AKT3: variants seen among roughly 807,000 people sequenced by gnomAD.
The protein encoded by AKT3 is RAC-gamma serine/threonine-protein kinase.
A neutral mutation model predicts 65.3 loss-of-function variants in AKT3; 15 were observed. The observed-to-expected ratio is 0.23, with a 90% CI of 0.15 to 0.35. The LOEUF is 0.35. AKT3 is among the 10% of genes least tolerant of loss of function. The probability of loss-of-function intolerance (pLI) is 1.00; values close to 1 mark genes in which losing one functional copy is unlikely to be tolerated. For synonymous variants in AKT3, 206 were observed against 183.8 expected, an observed-to-expected ratio of 1.12 and a Z score of -0.98; for missense variants, 243 against 576.5, an observed-to-expected ratio of 0.42 and a Z score of 5.92.
chr1:243,651,206 G>T (rs1055867688), intron 4 of AKT3, among the ~76,000 whole-genome samples: 5 of 151,964 alleles, frequency 3.3e-5, no homozygotes, highest in African/African-American at 1.2e-4. Flanking sequence ...TTTATTATTG[G>T]TGTATAGGAA....
At chr1:243,725,757 A>G (rs1259546938) in intron 2 of AKT3, among the ~76,000 whole-genome samples, 2 of 152,194 alleles carry the variant, frequency 1.3e-5, no homozygotes, top group Admixed American at 6.5e-5. Context: ...AAATTAGTGA[A>G]AAGTGGTAAC....
chr1:243,788,451 C>T (rs773897943), intron 2 of AKT3, among the ~76,000 whole-genome samples: 3 of 152,046 alleles, frequency 2.0e-5, no homozygotes, highest in Non-Finnish European at 4.4e-5. Flanking sequence ...GGACTGATTC[C>T]GGGACCCACT....
intron 2 of AKT3, among the ~76,000 whole-genome samples, chr1:243,743,781 G>A (rs976030128): frequency 3.3e-5 from 5 of 152,138 alleles, no homozygotes; most frequent in Non-Finnish European, 7.3e-5. Flanking sequence ...CCAGCACTTT[G>A]GAAGGATTGC....
chr1:243,537,855 T>A (rs1282881426), intron 12 of AKT3, among the ~76,000 whole-genome samples: 1 of 151,918 alleles, frequency 6.6e-6, no homozygotes, highest in Non-Finnish European at 1.5e-5. Context: ...TGTTACTACT[T>A]TTTTTTCTCA....
chr1:243,764,883 T>C (rs769249380), intron 2 of AKT3, among the ~76,000 whole-genome samples: 4 of 152,118 alleles, frequency 2.6e-5, no homozygotes, highest in Non-Finnish European at 4.4e-5. Flanking sequence ...ATTTCAAAAT[T>C]CAAAGCTTTC....
intron 2 of AKT3, among the ~76,000 whole-genome samples, chr1:243,728,583 C>A (rs142122718): frequency 5.7e-4 from 87 of 152,262 alleles, no homozygotes; most frequent in African/African-American, 2.0e-3. Flanking sequence ...TTTATGGGAA[C>A]AGATAGGACA....
chr1:243,819,756 C>T (rs1206877828), intron 2 of AKT3, among the ~76,000 whole-genome samples: 2 of 152,174 alleles, frequency 1.3e-5, no homozygotes, highest in African/African-American at 2.4e-5. Flanking sequence ...GGCATCAGGT[C>T]GGTGCCCCTC....
chr1:243,822,467 C>CAA (rs201535118), intron 2 of AKT3, among the ~76,000 whole-genome samples: 4,186 of 141,460 alleles, frequency 0.03, 219 homozygotes, highest in African/African-American at 0.11. Flanking sequence ...AAAAACCCTT[C>CAA]AAAAAAAAAA....
chr1:243,721,341 G>C (rs1385410655), intron 2 of AKT3, among the ~76,000 whole-genome samples: 1 of 152,026 alleles, frequency 6.6e-6, no homozygotes, highest in African/African-American at 2.4e-5. Context: ...GACAGGTCTT[G>C]GTGAGTTTTT....
intron 6 of AKT3, among the ~76,000 whole-genome samples, chr1:243,630,286 C>T (rs1049451758): frequency 3.3e-5 from 5 of 152,170 alleles, no homozygotes; most frequent in African/African-American, 1.2e-4. Context: ...TAAATATCAT[C>T]AGCTCAAAAG....
chr1:243,582,985 C>T (rs367910880), intron 8 of AKT3, among the ~76,000 whole-genome samples: 10 of 148,846 alleles, frequency 6.7e-5, no homozygotes, highest in Non-Finnish European at 1.3e-4. Context: ...AAACAGACTT[C>T]AAACTAACAG....
At chr1:243,702,161 T>C (rs1445924096) in intron 2 of AKT3, among the ~76,000 whole-genome samples, 1 of 148,030 alleles carries the variant, frequency 6.8e-6, no homozygotes, top group African/African-American at 2.5e-5. Flanking sequence ...AAGCATGTGG[T>C]CACATTTTCA....
intron 1 of AKT3, chr1:243,843,490 T>G (rs1408871399): frequency 1.8e-6 from 2 of 1,082,420 alleles, no homozygotes; most frequent in African/African-American, 3.3e-5. Context: ...ATAGTGAAAC[T>G]TTTAACCTAA....
chr1:243,712,590 G>T (rs1686233313), intron 2 of AKT3, among the ~76,000 whole-genome samples: 1 of 151,622 alleles, frequency 6.6e-6, no homozygotes, highest in African/African-American at 2.4e-5. Context: ...GCGGAAAAAA[G>T]AAAAAAGGAG....
At chr1:243,590,451 A>G (rs1263042041) in intron 8 of AKT3, among the ~76,000 whole-genome samples, 1 of 152,188 alleles carries the variant, frequency 6.6e-6, no homozygotes, top group Non-Finnish European at 1.5e-5. Context: ...TTAGCATCCA[A>G]TCAACGTTTA....
chr1:243,820,368 G>A (rs777751760), intron 2 of AKT3, among the ~76,000 whole-genome samples: 2 of 152,152 alleles, frequency 1.3e-5, no homozygotes, highest in Admixed American at 1.3e-4. Flanking sequence ...AAAAAACATT[G>A]AGAACCCCAA....
intron 3 of AKT3, among the ~76,000 whole-genome samples, chr1:243,688,578 GA>G (rs771199132): frequency 3.0e-4 from 45 of 152,114 alleles, no homozygotes; most frequent in Non-Finnish European, 4.7e-4. Flanking sequence ...ACATAATCCA[GA>G]AAGGAAGTGA....
chr1:243,777,596 C>CTGCT (rs1484893481), intron 2 of AKT3, among the ~76,000 whole-genome samples: 1 of 152,120 alleles, frequency 6.6e-6, no homozygotes. Context: ...TAGAATCACA[C>CTGCT]TGCTTGAATG....
At chr1:243,761,572 T>A (rs1051917745) in intron 2 of AKT3, among the ~76,000 whole-genome samples, 1 of 152,102 alleles carries the variant, frequency 6.6e-6, no homozygotes, top group Non-Finnish European at 1.5e-5. Context: ...TTTTGACACA[T>A]GGTACAAAAT....
Sources: allele counts gnomAD v4.1 joint callset (sites outside exome capture counted in the v4.1 genomes callset), GRCh38; gene constraint gnomAD v4.1.1; transcripts MANE v1.5; gene names NCBI Gene and HGNC (gene_info 2026-07-23, HGNC 2026-07-21).